The following OSBPL1A variants were observed in gnomAD, a reference collection of about 807,000 sequenced individuals.
OSBPL1A encodes the protein oxysterol-binding protein-related protein 1.
OSBPL1A carries 80 observed loss-of-function variants against 137.1 expected under a neutral mutation model. That is an observed-to-expected ratio of 0.58 (90% CI 0.49 to 0.70). The LOEUF (loss-of-function observed/expected upper bound fraction) is 0.70, where lower values mean the gene tolerates loss of function less well. Among genes scored for constraint, OSBPL1A ranks in the 30% least tolerant of loss-of-function variants. OSBPL1A has a pLI of 0.00. For missense variants in OSBPL1A, 970 were observed against 1,129.4 expected (o/e 0.86, Z 2.02); for synonymous variants, 365 against 389.7 (o/e 0.94, Z 0.75).
At chr18:24,258,492 G>C (rs2089348933) in intron 15 of OSBPL1A, among the ~76,000 whole-genome samples, 1 of 152,156 alleles carries the variant, frequency 6.6e-6, no homozygotes, top group Non-Finnish European at 1.5e-5. Flanking sequence ...GTGGGGCAGG[G>C]TTGGGGGAAT....
chr18:24,194,672 G>A (rs1394227750), intron 18 of OSBPL1A, among the ~76,000 whole-genome samples: 3 of 152,104 alleles, frequency 2.0e-5, no homozygotes, highest in African/African-American at 4.8e-5. Flanking sequence ...TTTATTGAGC[G>A]CAACGTTAAA....
At chr18:24,305,540 C>T (rs916172284) in intron 13 of OSBPL1A, among the ~76,000 whole-genome samples, 30 of 152,104 alleles carry the variant, frequency 2.0e-4, no homozygotes, top group African/African-American at 6.0e-4. Context: ...TTTGCTTAGT[C>T]GCTACTAGTT....
At chr18:24,384,967 T>C (rs555553532) in intron 1 of OSBPL1A, among the ~76,000 whole-genome samples, 115 of 151,860 alleles carry the variant, frequency 7.6e-4, no homozygotes, top group Middle Eastern at 3.4e-3. Context: ...ATTTTTTTTT[T>C]TTTTTGAGAT....
chr18:24,239,460 T>C (rs2088611751), intron 15 of OSBPL1A, 78 bp from the exon 16 acceptor site: 6 of 1,343,182 alleles, frequency 4.5e-6, no homozygotes, highest in Non-Finnish European at 6.2e-6. Context: ...TGAAAATTAA[T>C]TGCTTTTGAT....
At chr18:24,386,906 A>G (rs1906994195) in intron 1 of OSBPL1A, among the ~76,000 whole-genome samples, 3 of 152,150 alleles carry the variant, frequency 2.0e-5, no homozygotes, top group Admixed American at 2.0e-4. Flanking sequence ...ACAGTGAGCC[A>G]TGATTACACC....
intron 5 of OSBPL1A, among the ~76,000 whole-genome samples, chr18:24,340,025 T>C (rs1290792648): frequency 6.6e-6 from 1 of 152,190 alleles, no homozygotes; most frequent in Admixed American, 6.5e-5. Flanking sequence ...TACAAAATTA[T>C]ATTGCCTTTC....
At chr18:24,274,193 C>T (rs138860727) in intron 15 of OSBPL1A, among the ~76,000 whole-genome samples, 443 of 145,508 alleles carry the variant, frequency 3.0e-3, no homozygotes, top group African/African-American at 0.011. Flanking sequence ...AAGACTGTGT[C>T]GCTGTACTCT....
chr18:24,341,499 G>A (rs1447184589), intron 5 of OSBPL1A, 48 bp downstream of exon 5: 2 of 1,437,760 alleles, frequency 1.4e-6, no homozygotes, highest in East Asian at 2.3e-5. Flanking sequence ...CAGAACCTTG[G>A]TTATAATGAA....
intron 9 of OSBPL1A, 82 bp downstream of exon 9, chr18:24,318,518 AT>A: frequency 1.7e-6 from 2 of 1,194,982 alleles, no homozygotes; most frequent in East Asian, 2.4e-5. Flanking sequence ...TTCAGAAATG[AT>A]TTTTTAAAAG....
At chr18:24,248,688 G>A (rs2088979564) in intron 15 of OSBPL1A, among the ~76,000 whole-genome samples, 1 of 152,092 alleles carries the variant, frequency 6.6e-6, no homozygotes, top group African/African-American at 2.4e-5. Context: ...TTTAAATCAG[G>A]GTAGAATTTG....
chr18:24,373,356 A>T (rs1905824597), intron 2 of OSBPL1A, among the ~76,000 whole-genome samples: 1 of 152,226 alleles, frequency 6.6e-6, no homozygotes, highest in African/African-American at 2.4e-5. Flanking sequence ...TGCCAATATA[A>T]GTACTTAGGT....
chr18:24,197,991 T>C (rs1168392555), intron 17 of OSBPL1A, among the ~76,000 whole-genome samples: 1 of 152,106 alleles, frequency 6.6e-6, no homozygotes, highest in Admixed American at 6.5e-5. Context: ...TTTCACCATG[T>C]TGGCCAGGTT....
At chr18:24,342,495 C>T (rs151135763) in intron 4 of OSBPL1A, among the ~76,000 whole-genome samples, 41 of 152,260 alleles carry the variant, frequency 2.7e-4, no homozygotes, top group African/African-American at 9.9e-4. Context: ...CTGTGCTGTT[C>T]TAACTTCTAG....
At chr18:24,389,801 G>GTA (rs1907194901) in intron 1 of OSBPL1A, among the ~76,000 whole-genome samples, 1 of 152,018 alleles carries the variant, frequency 6.6e-6, no homozygotes, top group African/African-American at 2.4e-5. Flanking sequence ...ACTTAGCCAG[G>GTA]TATGGTGGTG....
intron 4 of OSBPL1A, among the ~76,000 whole-genome samples, chr18:24,351,347 CAAAAAAAAAAA>C (rs1172514692): frequency 2.0e-4 from 7 of 35,770 alleles, no homozygotes; most frequent in Non-Finnish European, 3.1e-4. Context: ...GACTCTGTCT[CAAAAAAAAAAA>C]AAAAAAAAAA....
chr18:24,389,995 A>G (rs1821099719), intron 1 of OSBPL1A, among the ~76,000 whole-genome samples: 1 of 152,144 alleles, frequency 6.6e-6, no homozygotes, highest in African/African-American at 2.4e-5. Context: ...AAAAATTCCT[A>G]CAGAAATCAA....
intron 14 of OSBPL1A, among the ~76,000 whole-genome samples, chr18:24,298,835 G>T (rs2146096678): frequency 6.6e-6 from 1 of 152,298 alleles, no homozygotes; most frequent in African/African-American, 2.4e-5. Flanking sequence ...GAATACTGAA[G>T]TTCGCACTAT....
At chr18:24,163,330 A>T (rs1192716503) in intron 27 of OSBPL1A, 49 bp from the exon 28 acceptor site, 2 of 1,367,718 alleles carry the variant, frequency 1.5e-6, no homozygotes, top group Non-Finnish European at 1.0e-6. Context: ...ATGGAAAATC[A>T]CAGGCTGTTT....
intron 1 of OSBPL1A, among the ~76,000 whole-genome samples, chr18:24,392,979 C>G (rs77060147): frequency 6.6e-6 from 1 of 152,184 alleles, no homozygotes; most frequent in Non-Finnish European, 1.5e-5. Context: ...CATGAGCCAC[C>G]TCGCCCAGCC....
Sources: allele counts gnomAD v4.1 joint callset (sites outside exome capture counted in the v4.1 genomes callset), GRCh38; gene constraint gnomAD v4.1.1; transcripts MANE v1.5; gene names NCBI Gene and HGNC (gene_info 2026-07-23, HGNC 2026-07-21).